The following EBAG9 variants were observed in gnomAD, a reference collection of about 807,000 sequenced individuals.
EBAG9 encodes estrogen receptor binding site associated antigen 9.
In EBAG9, 16 loss-of-function variants were observed where a neutral mutation model predicts 30.9. The observed-to-expected ratio is 0.52, with a 90% CI of 0.35 to 0.79. EBAG9 has a LOEUF of 0.79. Among genes scored for constraint, EBAG9 ranks in the 30% least tolerant of loss-of-function variants. The pLI is 0.01. For missense variants in EBAG9, 197 were observed against 242.1 expected, an observed-to-expected ratio of 0.81 and a Z score of 1.24; for synonymous variants, 93 against 82.8, an observed-to-expected ratio of 1.12 and a Z score of -0.67.
intron 6 of EBAG9, among the ~76,000 whole-genome samples, chr8:109,563,753 CT>C (rs1364823054): frequency 2.0e-5 from 3 of 151,974 alleles, no homozygotes; most frequent in Non-Finnish European, 4.4e-5. Context: ...TAACCTCAGC[CT>C]TTCCGGTAGG....
chr8:109,553,932 G>A lies in EBAG9; in HGVS notation c.151G>A (p.Val51Ile), dbSNP rs139788553. ...TLPTTVDYSS[V>I]PKQTDVEEWT... ...GCCAACTACAGTTGATTATTCATCAGTTCCTAAGCAGGTAGGTTTTTTTTG... is the reference window on the plus strand; with the variant it reads ...GCCAACTACAGTTGATTATTCATCAATTCCTAAGCAGGTAGGTTTTTTTTG... The change falls in exon 3 of 7, where the codon GTT (valine) becomes ATT (isoleucine). Residue 51 changes from valine (V) to isoleucine (I), a missense_variant. Coordinates refer to ENST00000337573, the MANE Select transcript of EBAG9 (RefSeq NM_004215.5). The A allele has an allele frequency of 6.9e-6, 11 of 1,604,276 alleles. No individual in the cohort carries two copies. The African/African-American group carries it at 1.1e-4, about 16-fold the overall frequency.
rs1821774271 is a variant in EBAG9, at chr8:109,564,425, A to G, written c.522-14A>G. The stretch of plus-strand genomic sequence containing the variant: ...TTTGGTATTTTCTAAAAGTAAAAGT[A>G]TGTTTCTTTTCAGACAGCAGAAACT... On this transcript the variant is annotated splice_polypyrimidine_tract_variant and intron_variant, in intron 6 of 6. Transcript: ENST00000337573. The G allele has an allele frequency of 6.2e-7, 1 of 1,609,730 alleles. No homozygotes were observed. Among genetic ancestry groups the G allele is most frequent in the Non-Finnish European group, 8.5e-7 (1 of 1,178,016 alleles).
upstream of EBAG9, chr8:109,539,863 G>GCGCGGCC (rs1176622398): frequency 2.6e-5 from 4 of 152,222 alleles, no homozygotes; most frequent in Admixed American, 1.3e-4. Flanking sequence ...TTGTGTGCGC[G>GCGCGGCC]CGCGGCCCGC....
At chr8:109,560,728 A>G (rs751951002) in intron 5 of EBAG9, 110 bp from the exon 6 acceptor site, 14 of 743,926 alleles carry the variant, frequency 1.9e-5, no homozygotes, top group Admixed American at 7.2e-5. Context: ...CTGAGAAGAC[A>G]TAGGAGAATG....
chr8:109,542,016 A>G (rs1216967850), intron 1 of EBAG9, among the ~76,000 whole-genome samples: 2 of 152,180 alleles, frequency 1.3e-5, no homozygotes, highest in African/African-American at 4.8e-5. Context: ...TTTGAATTAA[A>G]TATACCTAGG....
chr8:109,555,137 C>T (rs1245532427), intron 4 of EBAG9, among the ~76,000 whole-genome samples: 1 of 152,012 alleles, frequency 6.6e-6, no homozygotes, highest in African/African-American at 2.4e-5. Context: ...TCCCCTCTCC[C>T]CCAACCCCAC....
intron 4 of EBAG9, among the ~76,000 whole-genome samples, chr8:109,556,363 T>G (rs1175237171): frequency 6.6e-6 from 1 of 152,122 alleles, no homozygotes; most frequent in African/African-American, 2.4e-5. Flanking sequence ...CTAAAACACA[T>G]TAAATTGTGT....
chr8:109,558,655 C>G (rs1439638914), intron 5 of EBAG9, among the ~76,000 whole-genome samples: 1 of 152,056 alleles, frequency 6.6e-6, no homozygotes, highest in African/African-American at 2.4e-5. Context: ...GCTATTTCCA[C>G]GTATTTTCCT....
At chr8:109,553,488 G>C (rs920982624) in intron 2 of EBAG9, among the ~76,000 whole-genome samples, 3 of 152,130 alleles carry the variant, frequency 2.0e-5, no homozygotes, top group Non-Finnish European at 2.9e-5. Flanking sequence ...AAACATAAAA[G>C]CCAAGCCACC....
At chr8:109,550,238 C>T (rs1821464606) in intron 1 of EBAG9, 1 of 152,334 alleles carries the variant, frequency 6.6e-6, no homozygotes, top group Non-Finnish European at 1.5e-5. Context: ...ATTTAATGGA[C>T]TTACTAGAGG....
intron 5 of EBAG9, among the ~76,000 whole-genome samples, chr8:109,560,340 A>G (rs1821685580): frequency 6.6e-6 from 1 of 152,352 alleles, no homozygotes; most frequent in Admixed American, 6.5e-5. Flanking sequence ...GTAAGTGCCA[A>G]TAAAAAATCT....
rs200328993 is a variant in EBAG9, at chr8:109,544,307, GA to G, written c.-16+3854del. Among the ~76,000 whole-genome samples, 1,386 of 151,728 alleles carry G rather than the reference GA, an allele frequency of 9.1e-3. 7 individuals carry two copies. Among genetic ancestry groups the G allele is most frequent in the Non-Finnish European group, 0.011 (771 of 67,876 alleles). On this transcript the variant is annotated intron_variant, in intron 1 of 6. Coordinates refer to ENST00000337573, the MANE Select transcript of EBAG9 (RefSeq NM_004215.5). ...TACTGCTTGTGCTTTTTTATTCTGGGAAAAAAAACTATCAAATTACTGTATG... is the reference window on the plus strand; with the variant it reads ...TACTGCTTGTGCTTTTTTATTCTGGGAAAAAAACTATCAAATTACTGTATG...
intron 1 of EBAG9, among the ~76,000 whole-genome samples, chr8:109,542,134 A>G (rs1003636949): frequency 3.9e-5 from 6 of 152,160 alleles, no homozygotes; most frequent in African/African-American, 1.2e-4. Context: ...TAACATTTTG[A>G]TAGTGCATGG....
chr8:109,542,291 G>GA (rs1001662499), intron 1 of EBAG9, among the ~76,000 whole-genome samples: 34 of 145,280 alleles, frequency 2.3e-4, no homozygotes, highest in South Asian at 1.7e-3. Context: ...TTTTTATTGG[G>GA]AAAAAAAAAA....
chr8:109,547,033 A>C (rs1237349235), intron 1 of EBAG9, among the ~76,000 whole-genome samples: 1 of 150,530 alleles, frequency 6.6e-6, no homozygotes, highest in African/African-American at 2.5e-5. Context: ...TATTTATTTC[A>C]ATTTTTTTTT....
At chr8:109,555,450 C>T (rs534258471) in intron 4 of EBAG9, among the ~76,000 whole-genome samples, 1 of 152,016 alleles carries the variant, frequency 6.6e-6, no homozygotes, top group Admixed American at 6.6e-5. Context: ...GTTCAAATGA[C>T]CTAGACATAG....
Position 109,559,773 on chromosome 8 carries a change from C to T in EBAG9, c.430-1065C>T, listed in dbSNP as rs372478732. Among the ~76,000 whole-genome samples, 73 of 151,840 alleles carry T rather than the reference C, an allele frequency of 4.8e-4. No individual in the cohort carries two copies. The East Asian group carries it at 8.4e-3, about 17-fold the overall frequency. The stretch of plus-strand genomic sequence containing the variant: ...GAAGCTGCAGTGAACCATGATCACA[C>T]CATGCACTCCAGCCTGGGCAACAAA... On this transcript the variant is annotated intron_variant, in intron 5 of 6. Coordinates refer to ENST00000337573, the MANE Select transcript of EBAG9 (RefSeq NM_004215.5).
chr8:109,558,048 G>C (rs1455006526), intron 5 of EBAG9: 1 of 158,858 alleles, frequency 6.3e-6, no homozygotes, highest in Non-Finnish European at 1.4e-5. Flanking sequence ...ACTAAATCCA[G>C]CCCACATGCA....
In EBAG9 at chr8:109,554,879, A is replaced by C. The variant is rs1821566380; in HGVS notation, c.313A>C (p.Thr105Pro). The change falls in exon 4 of 7, where the codon ACT becomes CCT. Residue 105 changes from threonine to proline, a missense_variant. Transcript: ENST00000337573. ...GGACATGACACCAACTATTAGGAAA[A>C]CTCAGAAAGTATGTTAAGATTTATG... The part of the protein sequence containing the change: ...FKDMTPTIRK[T>P]QKIVIKKREP... 6.2e-7 allele frequency: 1 copy of C among 1,612,620 alleles called. No homozygotes were observed. The highest frequency in any genetic ancestry group is 8.5e-7 in the Non-Finnish European group (1 of 1,179,254).
Sources: gnomAD v4.1 joint callset for allele counts (sites outside exome capture counted in the v4.1 genomes callset) on GRCh38, gnomAD v4.1.1 for gene constraint, MANE v1.5 for transcripts, NCBI Gene and HGNC (gene_info 2026-07-23, HGNC 2026-07-21) for gene names.